Variants in FGF14 observed in about 807,000 individuals in gnomAD.
The protein encoded by FGF14 is fibroblast growth factor homologous factor 4.
FGF14 carries 5 observed loss-of-function variants against 25.5 expected under a neutral mutation model. That is an observed-to-expected ratio of 0.20 (90% confidence interval 0.10 to 0.41). The LOEUF (loss-of-function observed/expected upper bound fraction) is 0.41, where lower values mean the gene tolerates loss of function less well. FGF14 is among the 10% of genes least tolerant of loss of function. FGF14 has a pLI of 1.00. For missense variants in FGF14, 222 were observed against 320.1 expected (o/e 0.69, Z 2.34); for synonymous variants, 138 against 118.3 (o/e 1.17, Z -1.08).
chr13:102,349,949 C>T (rs1431931856), intron 1 of FGF14, among the ~76,000 whole-genome samples: 2 of 152,188 alleles, frequency 1.3e-5, no homozygotes, highest in Non-Finnish European at 1.5e-5. Flanking sequence ...ATTATAATTA[C>T]ACATGTGCGT....
chr13:102,373,676 T>C (rs2057951693), intron 1 of FGF14: 1 of 152,192 alleles, frequency 6.6e-6, no homozygotes. Context: ...ATTTGTGTTA[T>C]TTCACTTCAC....
At chr13:102,068,533 G>A (rs1415629567) in intron 1 of FGF14, among the ~76,000 whole-genome samples, 6 of 152,196 alleles carry the variant, frequency 3.9e-5, no homozygotes, top group Admixed American at 6.5e-5. Context: ...CTGGAGTTCC[G>A]GGTGGGCATG....
chr13:101,764,119 T>C (rs2038228779), intron 3 of FGF14, among the ~76,000 whole-genome samples: 1 of 152,140 alleles, frequency 6.6e-6, no homozygotes, highest in South Asian at 2.1e-4. Flanking sequence ...TGTTAAGAAT[T>C]GTTGGCACTG....
At chr13:101,812,735 C>T (rs9518568) in intron 3 of FGF14, among the ~76,000 whole-genome samples, 84,490 of 138,292 alleles carry the variant, frequency 0.61, 27,676 homozygotes, top group East Asian at 0.82. Context: ...CTATCTCAGC[C>T]CACTGCAACC....
intron 1 of FGF14, among the ~76,000 whole-genome samples, chr13:102,098,211 C>A (rs796282800): frequency 1.3e-5 from 2 of 152,360 alleles, no homozygotes; most frequent in African/African-American, 4.8e-5. Context: ...ACCTCCAGCA[C>A]CCTGCATCTA....
At chr13:101,972,719 G>C (rs2037679288) in intron 1 of FGF14, among the ~76,000 whole-genome samples, 3 of 151,892 alleles carry the variant, frequency 2.0e-5, no homozygotes, top group African/African-American at 7.3e-5. Context: ...ATATTGCCCA[G>C]GCAGGTCTCG....
intron 1 of FGF14, among the ~76,000 whole-genome samples, chr13:102,129,249 CAAAAAAAA>C (rs1259648108): frequency 2.0e-5 from 3 of 149,862 alleles, no homozygotes; most frequent in African/African-American, 7.4e-5. Context: ...GACTCCATCT[CAAAAAAAA>C]GAAAGAAAGA....
intron 1 of FGF14, among the ~76,000 whole-genome samples, chr13:102,024,460 T>C (rs2040824485): frequency 6.7e-6 from 1 of 148,824 alleles, no homozygotes; most frequent in African/African-American, 2.5e-5. Context: ...CCCATTTTAA[T>C]TGGGTTATTT....
At chr13:101,790,805 A>G (rs760891921) in intron 3 of FGF14, among the ~76,000 whole-genome samples, 1 of 152,180 alleles carries the variant, frequency 6.6e-6, no homozygotes, top group Non-Finnish European at 1.5e-5. Flanking sequence ...ATCTTGGATC[A>G]CATTATGATA....
intron 1 of FGF14, among the ~76,000 whole-genome samples, chr13:102,310,861 G>C (rs2055726227): frequency 6.6e-6 from 1 of 152,058 alleles, no homozygotes; most frequent in South Asian, 2.1e-4. Flanking sequence ...TTCCAGACCA[G>C]ATTGTTCTCC....
At chr13:102,161,262 G>A (rs1433313033) in intron 1 of FGF14, among the ~76,000 whole-genome samples, 1 of 151,924 alleles carries the variant, frequency 6.6e-6, no homozygotes, top group African/African-American at 2.4e-5. Context: ...AAGGAAGAGC[G>A]GTTGTCAGAA....
chr13:102,012,499 G>A (rs2040135399), intron 1 of FGF14, among the ~76,000 whole-genome samples: 1 of 152,106 alleles, frequency 6.6e-6, no homozygotes, highest in South Asian at 2.1e-4. Context: ...CTTGTCATTT[G>A]GGGGTCATTT....
chr13:101,791,922 C>A (rs2040257920), intron 3 of FGF14, among the ~76,000 whole-genome samples: 1 of 152,022 alleles, frequency 6.6e-6, no homozygotes, highest in Non-Finnish European at 1.5e-5. Context: ...GCATTAGACC[C>A]TGAAATTAAC....
intron 1 of FGF14, among the ~76,000 whole-genome samples, chr13:102,210,649 G>A (rs1401646088): frequency 6.6e-6 from 1 of 152,070 alleles, no homozygotes. Context: ...GTTTCCCATG[G>A]CCCTGAAACT....
At chr13:101,872,536 T>G (rs1316243853) in intron 2 of FGF14, among the ~76,000 whole-genome samples, 1 of 151,922 alleles carries the variant, frequency 6.6e-6, no homozygotes, top group Non-Finnish European at 1.5e-5. Flanking sequence ...ACTATTGAAA[T>G]GAACTAGAGA....
In FGF14 at chr13:101,788,895, TATATATATATATATAGAG is replaced by T. The variant is rs1392637079; in HGVS notation, c.409-62103_409-62086del. On this transcript the variant is annotated intron_variant, in intron 3 of 4. Transcript: ENST00000376143. ...GACTATATATATATATATATATATA[TATATATATATATATAGAG>T]AGAGAGAGAGAGAGAGAGAGAGAGA... Among the ~76,000 whole-genome samples the T allele has an allele frequency of 3.9e-3, 191 of 48,996 alleles. 1 individual carries two copies. Among genetic ancestry groups the T allele is most frequent in the African/African-American group, 6.8e-3 (115 of 16,794 alleles). 32.1% of individuals were successfully genotyped at this position (48,996 alleles called of 152,430 possible).
intron 1 of FGF14, chr13:102,394,766 G>A (rs778017262): frequency 2.0e-5 from 3 of 152,388 alleles, no homozygotes; most frequent in African/African-American, 4.8e-5. Flanking sequence ...CTGGCCCGTT[G>A]GGCTCCCTCC....
intron 4 of FGF14, among the ~76,000 whole-genome samples, chr13:101,723,441 T>C (rs1329515191): frequency 1.3e-5 from 2 of 152,104 alleles, no homozygotes; most frequent in East Asian, 1.9e-4. Context: ...ATTAAATTAC[T>C]TTCTTTCATG....
chr13:102,357,559 G>T (rs2057453871), intron 1 of FGF14, among the ~76,000 whole-genome samples: 1 of 152,148 alleles, frequency 6.6e-6, no homozygotes, highest in Non-Finnish European at 1.5e-5. Flanking sequence ...TTTGAATCCT[G>T]AATCCATCAG....
Sources: gnomAD v4.1 joint callset for allele counts (sites outside exome capture counted in the v4.1 genomes callset) on GRCh38, gnomAD v4.1.1 for gene constraint, MANE v1.5 for transcripts, NCBI Gene and HGNC (gene_info 2026-07-23, HGNC 2026-07-21) for gene names.